RND3: variants seen among roughly 807,000 people sequenced by gnomAD.
RND3 encodes rho-related GTP-binding protein RhoE.
A neutral mutation model predicts 26.5 loss-of-function variants in RND3; 8 were observed. The observed-to-expected ratio is 0.30, with a 90% confidence interval of 0.18 to 0.54. RND3 has a LOEUF of 0.54. Among genes scored for constraint, RND3 ranks in the 20% least tolerant of loss-of-function variants. The pLI is 0.94. For synonymous variants in RND3, 113 were observed against 113.0 expected (o/e 1.00, Z 0.00); for missense variants, 207 against 302.8 (o/e 0.68, Z 2.35).
chr2:150,474,630 C>A (rs1573953503), intron 4 of RND3, among the ~76,000 whole-genome samples: 3 of 152,080 alleles, frequency 2.0e-5, no homozygotes, highest in African/African-American at 7.2e-5. Flanking sequence ...CATTTTTCTC[C>A]CAAAGGACAA....
In RND3 at chr2:150,486,469, C is replaced by A. The variant is rs1686364416; in HGVS notation, c.238+225G>T. Among the ~76,000 whole-genome samples the A allele has an allele frequency of 6.6e-6, 1 of 152,250 alleles. No individual in the cohort carries two copies. The highest frequency in any genetic ancestry group is 1.5e-5 in the Non-Finnish European group (1 of 68,040). ...ACTAGTGGCTCCAACCGCGGGGTCA[C>A]CCTGCGGGCACACAGCGCTCTCCTC... On this transcript the variant is annotated intron_variant, in intron 3 of 5. Coordinates refer to ENST00000263895, the MANE Select transcript of RND3 (RefSeq NM_005168.5). The surrounding 1 kb of genome is among the most constrained non-coding windows in gnomAD (Gnocchi z 4.5).
intron 3 of RND3, among the ~76,000 whole-genome samples, chr2:150,482,100 T>C (rs912610598): frequency 6.6e-6 from 1 of 152,228 alleles, no homozygotes; most frequent in Non-Finnish European, 1.5e-5. Context: ...CATGACAAGA[T>C]TCGAAAGAGT....
chr2:150,486,392 G>A lies in RND3; in HGVS notation c.238+302C>T, dbSNP rs145602739. On this transcript the variant is annotated intron_variant, in intron 3 of 5. Transcript: ENST00000263895. This position sits in a 1 kb window ranked among gnomAD's most constrained non-coding sequence, Gnocchi z 4.5. ...ACACCCCACAGTATCGGGCCACCTC[G>A]GCCGACCCAAGGCGACTTGACCACG... 4.7e-4 allele frequency among the ~76,000 whole-genome samples: 72 copies of A among 152,162 alleles called. 1 individual carries two copies. The East Asian group carries it at 0.012, about 25-fold the overall frequency.
chr2:150,478,248 C>T (rs2105219733), intron 3 of RND3, among the ~76,000 whole-genome samples: 1 of 151,734 alleles, frequency 6.6e-6, no homozygotes, highest in Middle Eastern at 3.4e-3. Flanking sequence ...AAAACACCTC[C>T]TGTGTAACTT....
intron 3 of RND3, among the ~76,000 whole-genome samples, chr2:150,475,480 T>C (rs1686148765): frequency 6.6e-6 from 1 of 152,188 alleles, no homozygotes. Flanking sequence ...GGCATTATGG[T>C]TGTATTACTG....
intron 3 of RND3, among the ~76,000 whole-genome samples, chr2:150,484,466 TAGCCCAGCATTCCTATA>T (rs982666251): frequency 2.6e-5 from 4 of 152,176 alleles, no homozygotes; most frequent in Non-Finnish European, 4.4e-5. Context: ...AGGAAATGTA[TAGCCCAGCATTCCTATA>T]AGCCCACCCA....
chr2:150,474,412 C>A (rs2293565), intron 4 of RND3, among the ~76,000 whole-genome samples: 22,248 of 152,214 alleles, frequency 0.15, 1,752 homozygotes, highest in African/African-American at 0.19. Context: ...ATCCCTATTC[C>A]TCCTACACTA....
chr2:150,474,680 A>C (rs965461725), intron 4 of RND3, among the ~76,000 whole-genome samples, 195 bp downstream of exon 4: 3 of 152,230 alleles, frequency 2.0e-5, no homozygotes, highest in African/African-American at 7.2e-5. Flanking sequence ...TCAGAGCTTC[A>C]TGAAATAAAA....
chr2:150,486,965 C>T lies in RND3; in HGVS notation c.151-184G>A, dbSNP rs1437016592. On this transcript the variant is annotated intron_variant, in intron 2 of 5. Coordinates refer to ENST00000263895, the MANE Select transcript of RND3 (RefSeq NM_005168.5). The surrounding 1 kb of genome is among the most constrained non-coding windows in gnomAD (Gnocchi z 4.5). ...AAACCCCTGTCCTACTCCCCACTCACCCCACCCGGCTCTCACAGATCTGCT... is the reference window on the plus strand; with the variant it reads ...AAACCCCTGTCCTACTCCCCACTCATCCCACCCGGCTCTCACAGATCTGCT... The T allele has an allele frequency of 1.6e-6, 1 of 629,002 alleles. No individual in the cohort carries two copies. The highest frequency in any genetic ancestry group is 1.8e-5 in the South Asian group (1 of 54,932). 39.0% of individuals were successfully genotyped at this position (629,002 alleles called of 1,614,324 possible). A position where few individuals can be genotyped will look rare whatever the true frequency, so the allele number is the denominator to read the frequency against.
chr2:150,471,262 C>G (rs1686084907), intron 5 of RND3, among the ~76,000 whole-genome samples: 1 of 152,172 alleles, frequency 6.6e-6, no homozygotes. Flanking sequence ...AATGAAGACT[C>G]TCTGAAAGAT....
At chr2:150,481,086 GCCA>G (rs947903179) in intron 3 of RND3, among the ~76,000 whole-genome samples, 1 of 152,172 alleles carries the variant, frequency 6.6e-6, no homozygotes. Flanking sequence ...TTATCTGAGA[GCCA>G]CTAAATGTAA....
At chr2:150,475,206 G>A in intron 3 of RND3, 1 of 418,042 alleles carries the variant, frequency 2.4e-6, no homozygotes, top group Non-Finnish European at 4.4e-6. Flanking sequence ...CAAGAAGAGG[G>A]CCAGGATCTT....
intron 3 of RND3, among the ~76,000 whole-genome samples, chr2:150,477,197 A>T (rs1573954527): frequency 6.6e-6 from 1 of 151,994 alleles, no homozygotes; most frequent in African/African-American, 2.4e-5. Flanking sequence ...ATTAGGAAAA[A>T]CCACTCTCTC....
At chr2:150,487,210 C>A in intron 2 of RND3, 58 bp downstream of exon 2, 1 of 1,335,654 alleles carries the variant, frequency 7.5e-7, no homozygotes, top group Non-Finnish European at 9.9e-7. Flanking sequence ...AGGCCCACCT[C>A]GGGACTGGGA....
intron 3 of RND3, among the ~76,000 whole-genome samples, chr2:150,476,543 G>A (rs1194086560): frequency 6.6e-6 from 1 of 152,230 alleles, no homozygotes; most frequent in Admixed American, 6.5e-5. Context: ...AGGAAGAAAA[G>A]TGTGAATAAA....
intron 3 of RND3, among the ~76,000 whole-genome samples, chr2:150,484,737 T>C (rs191925638): frequency 6.6e-6 from 1 of 152,258 alleles, no homozygotes; most frequent in Admixed American, 6.5e-5. Flanking sequence ...TGTCCTCTTT[T>C]TACAGATGAT....
At position 150,487,467 on chromosome 2, in the gene RND3, A is replaced by G. The variant is rs568487118; in HGVS notation, c.-38-12T>C. 7.8e-5 allele frequency: 34 copies of G among 436,472 alleles called. No individual in the cohort carries two copies. In the South Asian group the frequency reaches 1.6e-3, roughly 20 times the overall value. 27.0% of individuals were successfully genotyped at this position (436,472 alleles called of 1,614,324 possible). On this transcript the variant is annotated splice_polypyrimidine_tract_variant and intron_variant, in intron 1 of 5. Coordinates refer to ENST00000263895, the MANE Select transcript of RND3 (RefSeq NM_005168.5). ...AACAGGAATTTTCTCTTAAGAAGAA[A>G]AAAAAAAATATATATATATATATAT... is the stretch of plus-strand genomic sequence containing the variant.
At chr2:150,471,370 G>C (rs1686086030) in intron 5 of RND3, among the ~76,000 whole-genome samples, 1 of 152,132 alleles carries the variant, frequency 6.6e-6, no homozygotes, top group African/African-American at 2.4e-5. Context: ...TACTGATTTT[G>C]ACCACATTCT....
intron 3 of RND3, among the ~76,000 whole-genome samples, chr2:150,484,623 C>T (rs1248793483): frequency 6.6e-6 from 1 of 152,164 alleles, no homozygotes; most frequent in East Asian, 1.9e-4. Flanking sequence ...AGACTAAGAG[C>T]TGAAGCCAAC....
Sources: gnomAD v4.1 joint callset for allele counts (sites outside exome capture counted in the v4.1 genomes callset) on GRCh38, gnomAD v4.1.1 for gene constraint, Gnocchi (gnomAD v3.1) non-coding constraint, MANE v1.5 for transcripts, NCBI Gene and HGNC (gene_info 2026-07-23, HGNC 2026-07-21) for gene names.